The following HS3ST5 variants were observed in gnomAD, a reference collection of about 807,000 sequenced individuals.
HS3ST5 encodes heparan sulfate-glucosamine 3-sulfotransferase 5.
In HS3ST5, 10 loss-of-function variants were observed where a neutral mutation model predicts 25.4. The ratio of observed to expected loss-of-function variants is 0.39; its 90% confidence interval spans 0.24 to 0.67. The LOEUF is 0.67. HS3ST5 is among the 30% of genes least tolerant of loss of function. The probability of loss-of-function intolerance (pLI) is 0.44; values close to 1 mark genes in which losing one functional copy is unlikely to be tolerated. For missense variants in HS3ST5, 324 were observed against 420.7 expected (o/e 0.77, Z 2.01); for synonymous variants, 170 against 162.4 (o/e 1.05, Z -0.36).
chr6:114,318,530 G>T (rs1775835992), intron 1 of HS3ST5, among the ~76,000 whole-genome samples: 1 of 152,046 alleles, frequency 6.6e-6, no homozygotes, highest in Non-Finnish European at 1.5e-5. Flanking sequence ...GCCCACTAAG[G>T]CTCTTCACAG....
intron 1 of HS3ST5, among the ~76,000 whole-genome samples, chr6:114,282,945 T>C (rs1307703752): frequency 6.6e-6 from 1 of 152,026 alleles, no homozygotes; most frequent in Non-Finnish European, 1.5e-5. Context: ...ATAATTTATA[T>C]ACTTTGGTAG....
At chr6:114,248,341 CTT>C (rs1383611811) in intron 1 of HS3ST5, among the ~76,000 whole-genome samples, 2 of 151,098 alleles carry the variant, frequency 1.3e-5, no homozygotes, top group Non-Finnish European at 1.5e-5. Flanking sequence ...AACAACTAAT[CTT>C]TGTTTAGAAT....
intron 1 of HS3ST5, among the ~76,000 whole-genome samples, chr6:114,332,196 A>G (rs1776427403): frequency 6.6e-6 from 1 of 152,166 alleles, no homozygotes; most frequent in Admixed American, 6.5e-5. Context: ...GCTTACTTCT[A>G]GGCAGTTAGA....
intron 3 of HS3ST5, among the ~76,000 whole-genome samples, chr6:114,159,026 C>A (rs1469867856): frequency 6.6e-6 from 1 of 152,168 alleles, no homozygotes; most frequent in African/African-American, 2.4e-5. Flanking sequence ...TATGCCAATG[C>A]TCTCCATTGT....
chr6:114,249,946 C>T (rs748369814), intron 1 of HS3ST5, among the ~76,000 whole-genome samples: 8 of 152,060 alleles, frequency 5.3e-5, no homozygotes, highest in African/African-American at 1.2e-4. Flanking sequence ...AAATCCATAC[C>T]GATCTGAAAT....
rs373159572 is a variant in HS3ST5 at position 114,342,473 on chromosome 6, G to C, written c.-617C>G. The C allele has an allele frequency of 1.7e-4, 30 of 181,706 alleles. No homozygotes were observed. The highest frequency in any genetic ancestry group is 4.5e-4 in the African/African-American group (19 of 41,910). The allele number at this position is 181,706 out of a possible 1,614,324, so 11.3% of individuals were successfully genotyped here. A position where few individuals can be genotyped will look rare whatever the true frequency, so the allele number is the denominator to read the frequency against. On this transcript the variant is annotated 5_prime_UTR_variant, in exon 1 of 5. Coordinates refer to ENST00000312719, the MANE Select transcript of HS3ST5 (RefSeq NM_153612.4). ...GAGGTCTGAGGCGGGGAGCCGGGCG[G>C]GGGGGCAGGCGGGCGAGAAGTAGTG... is the stretch of plus-strand genomic sequence containing the variant.
chr6:114,182,014 T>C lies in HS3ST5; in HGVS notation c.-144-13552A>G, dbSNP rs114516280. On this transcript the variant is annotated intron_variant, in intron 2 of 4. Transcript: ENST00000312719. ...TATTTTAAGATATGATAATGTGTTT[T>C]TTAACATAAGATTAAAACTATTAAA... Among the ~76,000 whole-genome samples the C allele has an allele frequency of 3.3e-3, 499 of 152,288 alleles. 3 individuals carry two copies. Among genetic ancestry groups the C allele is most frequent in the African/African-American group, 0.011 (466 of 41,574 alleles).
chr6:114,183,202 C>A (rs140057865), intron 2 of HS3ST5, among the ~76,000 whole-genome samples: 2 of 152,244 alleles, frequency 1.3e-5, no homozygotes, highest in East Asian at 3.9e-4. Flanking sequence ...TTGTAGCTCC[C>A]ATAATTCTCT....
chr6:114,219,211 A>G (rs1325105261), intron 2 of HS3ST5, among the ~76,000 whole-genome samples: 2 of 152,222 alleles, frequency 1.3e-5, no homozygotes, highest in Non-Finnish European at 2.9e-5. Context: ...TGTACTTCCA[A>G]TCACATTATT....
chr6:114,282,681 C>A (rs1323076216), intron 1 of HS3ST5, among the ~76,000 whole-genome samples: 1 of 151,942 alleles, frequency 6.6e-6, no homozygotes, highest in Non-Finnish European at 1.5e-5. Flanking sequence ...TCTTTTTCCA[C>A]AAATTTGATT....
At chr6:114,215,121 T>C (rs1053786293) in intron 2 of HS3ST5, among the ~76,000 whole-genome samples, 2 of 151,924 alleles carry the variant, frequency 1.3e-5, no homozygotes, top group African/African-American at 2.4e-5. Context: ...CTGGCTAACA[T>C]GGTGAAACCC....
intron 1 of HS3ST5, among the ~76,000 whole-genome samples, chr6:114,281,099 A>G (rs1562262678): frequency 6.6e-6 from 1 of 151,998 alleles, no homozygotes; most frequent in South Asian, 2.1e-4. Flanking sequence ...GAATAAGAAG[A>G]TATATTCTAG....
At chr6:114,079,022 A>C (rs1774305229) in intron 3 of HS3ST5, among the ~76,000 whole-genome samples, 1 of 152,210 alleles carries the variant, frequency 6.6e-6, no homozygotes, top group Non-Finnish European at 1.5e-5. Context: ...CTTAATTTTA[A>C]AATATTGTAT....
intron 2 of HS3ST5, among the ~76,000 whole-genome samples, chr6:114,185,804 A>G (rs2115033123): frequency 6.6e-6 from 1 of 151,126 alleles, no homozygotes; most frequent in South Asian, 2.1e-4. Flanking sequence ...CAGTAGTGCA[A>G]TCCCAGCTCA....
intron 1 of HS3ST5, among the ~76,000 whole-genome samples, chr6:114,239,499 A>C (rs1272972466): frequency 6.6e-6 from 1 of 152,182 alleles, no homozygotes; most frequent in African/African-American, 2.4e-5. Context: ...GTAAACAATA[A>C]GCATACAAGG....
At chr6:114,143,089 C>T (rs1327085821) in intron 3 of HS3ST5, 3 of 152,126 alleles carry the variant, frequency 2.0e-5, no homozygotes, top group Non-Finnish European at 4.4e-5. Flanking sequence ...TTAAATCTGC[C>T]TTATCGTCAG....
chr6:114,077,104 C>T (rs1774183043), intron 3 of HS3ST5, among the ~76,000 whole-genome samples: 1 of 152,188 alleles, frequency 6.6e-6, no homozygotes, highest in African/African-American at 2.4e-5. Context: ...ATTCAGCTTT[C>T]CATAACAGGC....
intron 3 of HS3ST5, chr6:114,084,651 G>T: frequency 1.0e-6 from 1 of 1,001,412 alleles, no homozygotes; most frequent in Admixed American, 1.7e-5. Flanking sequence ...GCCTTAATGA[G>T]AGGCTGATGG....
chr6:114,319,109 A>T (rs747219118), intron 1 of HS3ST5, among the ~76,000 whole-genome samples: 2 of 152,142 alleles, frequency 1.3e-5, no homozygotes, highest in Non-Finnish European at 2.9e-5. Context: ...ATTTTTATTT[A>T]TGTGGTTTCT....
Sources: allele counts gnomAD v4.1 joint callset (sites outside exome capture counted in the v4.1 genomes callset), GRCh38; gene constraint gnomAD v4.1.1; transcripts MANE v1.5; gene names NCBI Gene and HGNC (gene_info 2026-07-23, HGNC 2026-07-21).